Variants in ANKRD29 observed in about 807,000 individuals in gnomAD.
ANKRD29 encodes the protein ankyrin repeat domain-containing protein 29.
In ANKRD29, 32 loss-of-function variants were observed where a neutral mutation model predicts 38.0. The observed-to-expected ratio is 0.84, with a 90% confidence interval of 0.64 to 1.13. The LOEUF (loss-of-function observed/expected upper bound fraction) is 1.13. Ranked by LOEUF, ANKRD29 falls within the 50% of genes most tolerant of loss-of-function variation. The pLI, the probability that ANKRD29 is intolerant of heterozygous loss-of-function variation, is 0.00. For missense variants in ANKRD29, 357 were observed against 377.9 expected, an observed-to-expected ratio of 0.94 and a Z score of 0.46; for synonymous variants, 135 against 152.4, an observed-to-expected ratio of 0.89 and a Z score of 0.84.
intron 9 of ANKRD29, among the ~76,000 whole-genome samples, chr18:23,607,978 C>T (rs142807093): frequency 5.8e-4 from 89 of 152,330 alleles, no homozygotes; most frequent in Middle Eastern, 3.4e-3. Flanking sequence ...GCATCTGTCT[C>T]GAAGCCCCAG....
At chr18:23,657,736 C>G (rs1239150650) in intron 1 of ANKRD29, among the ~76,000 whole-genome samples, 2 of 152,222 alleles carry the variant, frequency 1.3e-5, no homozygotes, top group Admixed American at 6.5e-5. Context: ...TAAGTTTCAT[C>G]TATGTTGTAG....
At chr18:23,609,041 C>G (rs2059607949) in intron 9 of ANKRD29, among the ~76,000 whole-genome samples, 1 of 151,866 alleles carries the variant, frequency 6.6e-6, no homozygotes, top group African/African-American at 2.4e-5. Flanking sequence ...TTGCAGTGAG[C>G]TGAGATCGCA....
intron 1 of ANKRD29, among the ~76,000 whole-genome samples, chr18:23,656,092 CAA>C (rs1288367761): frequency 3.4e-4 from 22 of 64,480 alleles, no homozygotes; most frequent in Admixed American, 1.2e-3. Flanking sequence ...GACTCCGTCT[CAA>C]AAAAAAAAAA....
At chr18:23,621,365 G>C (rs960042383) in intron 6 of ANKRD29, among the ~76,000 whole-genome samples, 1 of 152,204 alleles carries the variant, frequency 6.6e-6, no homozygotes, top group Non-Finnish European at 1.5e-5. Context: ...GAAGACATCT[G>C]AGCTGGGTCG....
rs7227518 is a variant in ANKRD29 at position 23,619,089 on chromosome 18, T to C, written c.627+442A>G. Among the ~76,000 whole-genome samples the C allele has an allele frequency of 5.8e-3, 878 of 152,186 alleles. 15 individuals are homozygous for C. Among genetic ancestry groups the C allele is most frequent in the African/African-American group, 0.02 (831 of 41,536 alleles). ...TGCAGCACACAAAGGCAGTATTAGG[T>C]GGCACCAGCAGAGGCCAGTGGATGA... On this transcript the variant is annotated intron_variant, in intron 7 of 9. Transcript: ENST00000592179.
At chr18:23,630,479 G>A (rs1358233602) in intron 5 of ANKRD29, among the ~76,000 whole-genome samples, 1 of 151,890 alleles carries the variant, frequency 6.6e-6, no homozygotes, top group Non-Finnish European at 1.5e-5. Context: ...AAATTAGCCA[G>A]GTGTGGTGCT....
rs556253528 is a variant in ANKRD29, at chr18:23,649,540, C to T, written c.22-347G>A. The T allele has an allele frequency of 4.2e-4, 216 of 513,382 alleles. 4 individuals are homozygous for T. The highest frequency in any genetic ancestry group is 3.2e-3 in the South Asian group (211 of 65,054). 31.8% of individuals were successfully genotyped at this position (513,382 alleles called of 1,614,324 possible). On this transcript the variant is annotated intron_variant, in intron 1 of 9. Coordinates refer to ENST00000592179, the MANE Select transcript of ANKRD29 (RefSeq NM_173505.4). Reference sequence around the variant, plus strand: ...TCCTCCATCCTTCAAGGCCAAGGCTCTGCTCGAATGCTATTTCCTCCCAGA... The same window carrying T: ...TCCTCCATCCTTCAAGGCCAAGGCTTTGCTCGAATGCTATTTCCTCCCAGA...
rs1599089900 is a variant in ANKRD29 at position 23,622,362 on chromosome 18, G to A, written c.529-2733C>T. Among the ~76,000 whole-genome samples the A allele has an allele frequency of 2.0e-5, 3 of 152,064 alleles. No individual in the cohort carries two copies. The South Asian group carries it at 6.2e-4, about 32-fold the overall frequency. ...GGTCCAAGCTGGTGCCAATACTAAT[G>A]CGCTTCTCCCTCCGTGCCTGCTCTG... On this transcript the variant is annotated intron_variant, in intron 6 of 9. Coordinates refer to ENST00000592179, the MANE Select transcript of ANKRD29 (RefSeq NM_173505.4).
At chr18:23,619,087 G>C (rs2059759579) in intron 7 of ANKRD29, among the ~76,000 whole-genome samples, 1 of 152,220 alleles carries the variant, frequency 6.6e-6, no homozygotes, top group African/African-American at 2.4e-5. Flanking sequence ...GGCAGTATTA[G>C]GTGGCACCAG....
chr18:23,656,507 C>A (rs767883779), intron 1 of ANKRD29, among the ~76,000 whole-genome samples: 48 of 152,138 alleles, frequency 3.2e-4, no homozygotes, highest in Non-Finnish European at 5.9e-4. Context: ...AATTAAATAG[C>A]TACAAAACAT....
intron 9 of ANKRD29, among the ~76,000 whole-genome samples, chr18:23,602,261 C>G (rs2059523404): frequency 6.6e-6 from 1 of 152,040 alleles, no homozygotes; most frequent in South Asian, 2.1e-4. Context: ...GTCTTGAACT[C>G]CTGACCTCAA....
At chr18:23,644,373 A>G (rs1201032953) in intron 3 of ANKRD29, among the ~76,000 whole-genome samples, 2 of 152,236 alleles carry the variant, frequency 1.3e-5, no homozygotes, top group Non-Finnish European at 2.9e-5. Context: ...GTTGTAATAA[A>G]CAAAGACCAT....
At chr18:23,625,954 C>A (rs2059856876) in intron 6 of ANKRD29, among the ~76,000 whole-genome samples, 1 of 152,170 alleles carries the variant, frequency 6.6e-6, no homozygotes, top group Non-Finnish European at 1.5e-5. Context: ...CTGCAGGCTT[C>A]CAGACCTGCT....
At position 23,662,804 on chromosome 18, in the gene ANKRD29, C is replaced by G; in HGVS notation, c.-74G>C. The G allele has an allele frequency of 1.6e-6, 2 of 1,282,232 alleles. No individual in the cohort carries two copies. The highest frequency in any genetic ancestry group is 4.4e-5 in the South Asian group (2 of 45,602). The allele number at this position is 1,282,232 out of a possible 1,614,324, so 79.4% of individuals were successfully genotyped here. On this transcript the variant is annotated 5_prime_UTR_variant, in exon 1 of 10. Transcript: ENST00000592179. The stretch of plus-strand genomic sequence containing the variant: ...CTTGTCCTCCCCGGCCCTTCACTCT[C>G]CCGGGGCTCTCGGCGTTCCGCAGAG...
At chr18:23,612,259 A>AT in intron 8 of ANKRD29, 69 bp from the exon 9 acceptor site, 3 of 1,375,812 alleles carry the variant, frequency 2.2e-6, no homozygotes, top group Non-Finnish European at 3.1e-6. Flanking sequence ...GGCTTTCATC[A>AT]TAAACCATCT....
intron 1 of ANKRD29, among the ~76,000 whole-genome samples, chr18:23,661,483 A>G (rs2060360524): frequency 6.6e-6 from 1 of 152,242 alleles, no homozygotes; most frequent in African/African-American, 2.4e-5. Context: ...AGGAGGGTGG[A>G]TCACCTGAGG....
chr18:23,662,908 G>A lies in ANKRD29; in HGVS notation c.-178C>T. ...CACACAGGGCCGGGCCGAAGGGGCG[G>A]CGCGGGGGCGCGCGCGCGCGCACAC... On this transcript the variant is annotated 5_prime_UTR_variant, in exon 1 of 10. Transcript: ENST00000592179. 1.8e-5 allele frequency: 5 copies of A among 274,126 alleles called. No individual in the cohort carries two copies. Among genetic ancestry groups the A allele is most frequent in the Non-Finnish European group, 2.8e-5 (5 of 180,068 alleles). The allele number at this position is 274,126 out of a possible 1,614,324, so 17.0% of individuals were successfully genotyped here.
At chr18:23,661,252 T>C (rs530670804) in intron 1 of ANKRD29, among the ~76,000 whole-genome samples, 1 of 152,212 alleles carries the variant, frequency 6.6e-6, no homozygotes, top group Non-Finnish European at 1.5e-5. Flanking sequence ...CTAAATCTCA[T>C]CTCTAGCTGC....
chr18:23,608,112 T>C (rs2059595384), intron 9 of ANKRD29, among the ~76,000 whole-genome samples: 2 of 152,226 alleles, frequency 1.3e-5, no homozygotes, highest in South Asian at 2.1e-4. Flanking sequence ...CATATTGCAA[T>C]TGCTTTAATT....
Sources: gnomAD v4.1 joint callset for allele counts (sites outside exome capture counted in the v4.1 genomes callset) on GRCh38, gnomAD v4.1.1 for gene constraint, MANE v1.5 for transcripts, NCBI Gene and HGNC (gene_info 2026-07-23, HGNC 2026-07-21) for gene names.